TPH1: variants seen among roughly 807,000 people sequenced by gnomAD.
The protein encoded by TPH1 is tryptophan 5-hydroxylase 1.
A neutral mutation model predicts 49.5 loss-of-function variants in TPH1; 37 were observed. That is an observed-to-expected ratio of 0.75 (90% CI 0.58 to 0.98). The LOEUF is 0.98. Ranked by LOEUF, TPH1 falls within the 50% of genes least tolerant of loss-of-function variation. The pLI, the probability that TPH1 is intolerant of heterozygous loss-of-function variation, is 0.00. For missense variants in TPH1, 487 were observed against 523.6 expected (o/e 0.93, Z 0.68); for synonymous variants, 160 against 182.1 (o/e 0.88, Z 0.98).
intron 4 of TPH1, among the ~76,000 whole-genome samples, chr11:18,030,111 T>A (rs112805487): frequency 6.6e-6 from 1 of 151,950 alleles, no homozygotes; most frequent in African/African-American, 2.4e-5. Flanking sequence ...TGAAAAAAAA[T>A]TTTTTTAGAC....
intron 1 of TPH1, among the ~76,000 whole-genome samples, chr11:18,044,353 C>CA (rs1306043895): frequency 4.0e-5 from 6 of 151,620 alleles, no homozygotes; most frequent in Non-Finnish European, 7.4e-5. Context: ...ACCTGGGAGG[C>CA]GGAGGTTGCA....
At chr11:18,043,793 G>C (rs1375309660) in intron 1 of TPH1, among the ~76,000 whole-genome samples, 5 of 152,016 alleles carry the variant, frequency 3.3e-5, no homozygotes, top group African/African-American at 1.2e-4. Context: ...TTGAGCTCAG[G>C]AGTTCTAGGC....
intron 2 of TPH1, 148 bp downstream of exon 2, chr11:18,040,498 G>T: frequency 1.4e-6 from 1 of 694,154 alleles, no homozygotes; most frequent in Non-Finnish European, 2.3e-6. Context: ...CTCCCAGGTA[G>T]CTGGAACTAC....
chr11:18,031,470 G>A (rs531486666), intron 4 of TPH1, among the ~76,000 whole-genome samples: 70 of 152,052 alleles, frequency 4.6e-4, no homozygotes, highest in Admixed American at 1.4e-3. Context: ...ATTCTTTTAA[G>A]TATGTACCTA....
At chr11:18,031,013 G>A (rs898849419) in intron 4 of TPH1, among the ~76,000 whole-genome samples, 1 of 152,080 alleles carries the variant, frequency 6.6e-6, no homozygotes, top group Non-Finnish European at 1.5e-5. Context: ...CCATTCAGTG[G>A]TTTTTAGATA....
chr11:18,021,841 T>G (rs1402718743), intron 10 of TPH1, among the ~76,000 whole-genome samples: 3 of 152,176 alleles, frequency 2.0e-5, no homozygotes, highest in Non-Finnish European at 4.4e-5. Context: ...AACAATCATG[T>G]CCAGGACTCC....
intron 8 of TPH1, among the ~76,000 whole-genome samples, chr11:18,024,604 T>C (rs1217152089): frequency 2.0e-5 from 3 of 152,196 alleles, no homozygotes; most frequent in Admixed American, 1.3e-4. Context: ...AACAAGTGGA[T>C]AGAGTTTCTC....
intron 9 of TPH1, 117 bp downstream of exon 9, chr11:18,023,771 T>A: frequency 1.4e-6 from 1 of 725,640 alleles, no homozygotes; most frequent in Non-Finnish European, 2.4e-6. Flanking sequence ...AGGTAATGAT[T>A]AGTGACATCC....
chr11:18,037,373 AAT>A (rs1848057302), intron 2 of TPH1, among the ~76,000 whole-genome samples: 1 of 151,748 alleles, frequency 6.6e-6, no homozygotes, highest in African/African-American at 2.4e-5. Flanking sequence ...AAAAAAAAAA[AAT>A]ATTATCAGGG....
intron 2 of TPH1, among the ~76,000 whole-genome samples, chr11:18,037,518 C>A (rs1053433437): frequency 6.6e-6 from 1 of 151,942 alleles, no homozygotes; most frequent in African/African-American, 2.4e-5. Flanking sequence ...TGGGATTGAT[C>A]AGGTGTAAAG....
Position 18,022,801 on chromosome 11 carries a change from A to G in TPH1, c.1157T>C (p.Met386Thr). 1.9e-6 allele frequency: 3 copies of G among 1,613,070 alleles called. No individual in the cohort carries two copies. Among genetic ancestry groups the G allele is most frequent in the Non-Finnish European group, 2.5e-6 (3 of 1,179,326 alleles). ...SESFEDAKEK[M>T]REFTKTIKRP... Reference sequence around the variant, plus strand: ...GCGTGAAGAAGATATACTGTACCTCATCTTCTCCTTTGCATCTTCAAAACT... The same window carrying G: ...GCGTGAAGAAGATATACTGTACCTCGTCTTCTCCTTTGCATCTTCAAAACT... The change falls in exon 10 of 11, where the codon ATG becomes ACG. Residue 386 changes from methionine to threonine, a missense_variant. Met to Thr is a moderately conservative substitution (Grantham distance 81). Transcript: ENST00000682019.
intron 6 of TPH1, among the ~76,000 whole-genome samples, chr11:18,028,543 TA>T (rs1247050623): frequency 6.6e-5 from 10 of 152,288 alleles, no homozygotes; most frequent in African/African-American, 2.4e-4. Flanking sequence ...AATATTTAAA[TA>T]AAGCTATAAC....
chr11:18,025,478 A>C, intron 8 of TPH1, 97 bp downstream of exon 8: 1 of 1,575,236 alleles, frequency 6.3e-7, no homozygotes, highest in Non-Finnish European at 8.7e-7. Flanking sequence ...AGCAAAGACA[A>C]ATTTTCTAAT....
chr11:18,040,746 T>G lies in TPH1; in HGVS notation c.17A>C (p.Lys6Thr). Residue 6 changes from lysine (K) to threonine (T), a missense_variant, in exon 2 of 11, where the codon AAG becomes ACG. Coordinates refer to ENST00000682019, the MANE Select transcript of TPH1 (RefSeq NM_004179.3). MIEDN[K>T]ENKDHSLERG... ...TTCTAAGGAATGGTCTTTGTTCTCC[T>G]TATTGTCTTCAATCATGATGAATTT... 6.2e-7 allele frequency: 1 copy of G among 1,612,348 alleles called. No homozygotes were observed. The highest frequency in any genetic ancestry group is 1.7e-5 in the Admixed American group (1 of 59,956).
intron 2 of TPH1, among the ~76,000 whole-genome samples, chr11:18,038,937 C>T (rs1375357541): frequency 6.6e-6 from 1 of 152,020 alleles, no homozygotes; most frequent in African/African-American, 2.4e-5. Flanking sequence ...GTATCAGTAT[C>T]ATTGTTCATA....
chr11:18,024,018 G>A (rs771989868), intron 8 of TPH1, 35 bp from the exon 9 acceptor site: 38 of 1,480,138 alleles, frequency 2.6e-5, no homozygotes, highest in Non-Finnish European at 3.5e-5. Context: ...CTCACACACT[G>A]ACGAATTCAA....
rs1854318294 is a variant in TPH1 at position 18,018,374 on chromosome 11, T to G, written c.*2617A>C. 1.3e-5 allele frequency: 2 copies of G among 150,960 alleles called. No individual in the cohort carries two copies. The highest frequency in any genetic ancestry group is 1.3e-4 in the Admixed American group (2 of 15,146). The allele number at this position is 150,960 out of a possible 1,614,324, so 9.4% of individuals were successfully genotyped here. ...AGAACTGAAATCCATCATTAAAAAT[T>G]TCCAATGTTTGGCCGGGTGCAGTGG... On this transcript the variant is annotated 3_prime_UTR_variant, in exon 11 of 11. Coordinates refer to ENST00000682019, the MANE Select transcript of TPH1 (RefSeq NM_004179.3).
At chr11:18,043,008 TAGAC>T (rs1220340135) in intron 1 of TPH1, among the ~76,000 whole-genome samples, 1 of 152,168 alleles carries the variant, frequency 6.6e-6, no homozygotes, top group African/African-American at 2.4e-5. Context: ...TGCAAACAAA[TAGAC>T]AAAGACCCCA....
chr11:18,039,317 G>A (rs1475548106), intron 2 of TPH1, among the ~76,000 whole-genome samples: 1 of 152,146 alleles, frequency 6.6e-6, no homozygotes, highest in Admixed American at 6.5e-5. Flanking sequence ...ATGACCCTAT[G>A]AGGTAGGTAG....
Sources: gnomAD v4.1 joint callset for allele counts (sites outside exome capture counted in the v4.1 genomes callset) on GRCh38, gnomAD v4.1.1 for gene constraint, MANE v1.5 for transcripts, NCBI Gene and HGNC (gene_info 2026-07-23, HGNC 2026-07-21) for gene names.